KCNN2: variants seen among roughly 807,000 people sequenced by gnomAD.
The protein encoded by KCNN2 is small conductance calcium-activated potassium channel protein 2.
KCNN2 carries 24 observed loss-of-function variants against 55.5 expected under a neutral mutation model. The ratio of observed to expected loss-of-function variants is 0.43; its 90% CI spans 0.31 to 0.61. The LOEUF (loss-of-function observed/expected upper bound fraction) is 0.61. Among genes scored for constraint, KCNN2 ranks in the 20% least tolerant of loss-of-function variants. KCNN2 has a pLI of 0.08. For missense variants in KCNN2, 754 were observed against 853.6 expected, an observed-to-expected ratio of 0.88 and a Z score of 1.45; for synonymous variants, 431 against 336.1, an observed-to-expected ratio of 1.28 and a Z score of -3.09.
At chr5:114,449,111 T>G (rs566266706) in intron 3 of KCNN2, among the ~76,000 whole-genome samples, 3 of 152,192 alleles carry the variant, frequency 2.0e-5, no homozygotes, top group Non-Finnish European at 4.4e-5. Context: ...TCATTTGGAC[T>G]TCTTGTCACT....
chr5:114,366,748 T>C (rs1373754074), intron 2 of KCNN2, among the ~76,000 whole-genome samples: 3 of 152,218 alleles, frequency 2.0e-5, no homozygotes, highest in Non-Finnish European at 4.4e-5. Context: ...TGGGTATATA[T>C]GTTTTTTCAT....
intron 2 of KCNN2, among the ~76,000 whole-genome samples, chr5:114,275,843 A>G (rs1206573197): frequency 6.6e-6 from 1 of 151,234 alleles, no homozygotes; most frequent in Non-Finnish European, 1.5e-5. Flanking sequence ...TTCTGCTCTG[A>G]TCTCATTCTT....
intron 1 of KCNN2, among the ~76,000 whole-genome samples, chr5:114,166,297 A>C (rs1013338800): frequency 1.1e-4 from 17 of 152,148 alleles, no homozygotes; most frequent in Admixed American, 2.6e-4. Flanking sequence ...TTTACTCCAT[A>C]ACAACCAAGA....
At chr5:114,333,017 T>C (rs550698987) in intron 2 of KCNN2, among the ~76,000 whole-genome samples, 4 of 152,316 alleles carry the variant, frequency 2.6e-5, no homozygotes, top group African/African-American at 9.6e-5. Context: ...ATCTAGGCCT[T>C]GTTAACCTTA....
intron 1 of KCNN2, among the ~76,000 whole-genome samples, chr5:114,081,693 A>G (rs962003278): frequency 7.9e-5 from 12 of 152,352 alleles, no homozygotes; most frequent in Admixed American, 7.8e-4. Context: ...CAAAAGCTTC[A>G]CAACACTAGA....
chr5:114,203,895 G>C (rs1753721874), intron 1 of KCNN2, among the ~76,000 whole-genome samples: 1 of 152,168 alleles, frequency 6.6e-6, no homozygotes, highest in African/African-American at 2.4e-5. Flanking sequence ...GATCACATGG[G>C]TAGCAACTAT....
At chr5:114,111,514 C>T (rs1291924095) in intron 1 of KCNN2, among the ~76,000 whole-genome samples, 2 of 152,034 alleles carry the variant, frequency 1.3e-5, no homozygotes, top group South Asian at 4.1e-4. Flanking sequence ...TTCTGCACAG[C>T]AAAATAAACT....
intron 1 of KCNN2, among the ~76,000 whole-genome samples, chr5:114,090,343 G>A (rs540485014): frequency 2.0e-5 from 3 of 152,020 alleles, no homozygotes; most frequent in South Asian, 2.1e-4. Context: ...GAGCTAAAAC[G>A]TCCAGAAGAA....
At chr5:114,462,067 A>G (rs1464680346) in intron 3 of KCNN2, among the ~76,000 whole-genome samples, 1 of 152,134 alleles carries the variant, frequency 6.6e-6, no homozygotes, top group Non-Finnish European at 1.5e-5. Flanking sequence ...TGTCATAGAA[A>G]CCAGAGCAGG....
chr5:114,171,647 G>C (rs1168614192), intron 1 of KCNN2, among the ~76,000 whole-genome samples: 1 of 148,626 alleles, frequency 6.7e-6, no homozygotes, highest in East Asian at 2.0e-4. Flanking sequence ...ATTTAAAATT[G>C]TGGAATTCCA....
At chr5:114,121,059 A>G (rs970818443) in intron 1 of KCNN2, among the ~76,000 whole-genome samples, 4 of 152,186 alleles carry the variant, frequency 2.6e-5, no homozygotes, top group Non-Finnish European at 4.4e-5. Flanking sequence ...GGAATGGTCC[A>G]GGGTTGGTAG....
chr5:114,366,711 C>T (rs913689835), intron 2 of KCNN2, among the ~76,000 whole-genome samples: 3 of 152,168 alleles, frequency 2.0e-5, no homozygotes, highest in African/African-American at 7.2e-5. Context: ...CCCCGCCCTC[C>T]TTTTTTACTT....
At chr5:114,195,217 G>GA (rs1054807501) in intron 1 of KCNN2, among the ~76,000 whole-genome samples, 216 of 145,016 alleles carry the variant, frequency 1.5e-3, no homozygotes, top group Non-Finnish European at 2.5e-3. Context: ...GATTTCTGCC[G>GA]AAAAAAAAAA....
chr5:114,434,596 C>T (rs572484044), intron 3 of KCNN2, among the ~76,000 whole-genome samples: 1 of 152,266 alleles, frequency 6.6e-6, no homozygotes, highest in South Asian at 2.1e-4. Flanking sequence ...TTGTAATCCC[C>T]TGGTATTATA....
chr5:114,286,846 G>A (rs1352081075), intron 2 of KCNN2, among the ~76,000 whole-genome samples: 5 of 152,166 alleles, frequency 3.3e-5, no homozygotes, highest in Non-Finnish European at 5.9e-5. Flanking sequence ...AAGAGATTTA[G>A]GAAGAAATGG....
In KCNN2 at chr5:114,134,379, G is replaced by T. The variant is rs979755988; in HGVS notation, c.-271+77879G>T. Among the ~76,000 whole-genome samples the T allele has an allele frequency of 3.9e-4, 59 of 151,346 alleles. 1 individual carries two copies. The highest frequency in any genetic ancestry group is 3.4e-3 in the Middle Eastern group (1 of 294). ...ATAAGGGTCTAGCAATTGAAAGCTT[G>T]ACTTATATGTTGTTTCTTCTGAAAT... is the stretch of plus-strand genomic sequence containing the variant. On this transcript the variant is annotated intron_variant, in intron 1 of 10. Transcript: ENST00000512097.
At chr5:114,221,950 A>G (rs1754147517) in intron 2 of KCNN2, among the ~76,000 whole-genome samples, 1 of 152,152 alleles carries the variant, frequency 6.6e-6, no homozygotes, top group African/African-American at 2.4e-5. Flanking sequence ...GCTTCTTTCG[A>G]CCCTGTTTTC....
intron 2 of KCNN2, among the ~76,000 whole-genome samples, chr5:114,265,150 A>C (rs1344463336): frequency 6.6e-6 from 1 of 152,138 alleles, no homozygotes; most frequent in African/African-American, 2.4e-5. Flanking sequence ...GATTCAGGGT[A>C]AGTAACTTTT....
intron 3 of KCNN2, among the ~76,000 whole-genome samples, chr5:114,456,042 C>T (rs984343449): frequency 6.6e-6 from 1 of 152,148 alleles, no homozygotes; most frequent in African/African-American, 2.4e-5. Flanking sequence ...TAGCTAAGAT[C>T]GTTGAAGGTG....
Sources: allele counts gnomAD v4.1 joint callset (sites outside exome capture counted in the v4.1 genomes callset), GRCh38; gene constraint gnomAD v4.1.1; transcripts MANE v1.5; gene names NCBI Gene and HGNC (gene_info 2026-07-23, HGNC 2026-07-21).